Variants in PRKAA1 observed in about 807,000 individuals in gnomAD.
PRKAA1 encodes the protein 5'-AMP-activated protein kinase catalytic subunit alpha-1.
A neutral mutation model predicts 56.9 loss-of-function variants in PRKAA1; 23 were observed. That is an observed-to-expected ratio of 0.40 (90% CI 0.29 to 0.57). The LOEUF (loss-of-function observed/expected upper bound fraction) is 0.57, where lower values mean the gene tolerates loss of function less well. Ranked by LOEUF, PRKAA1 falls within the 20% of genes least tolerant of loss-of-function variation. PRKAA1 has a pLI of 0.39. For synonymous variants in PRKAA1, 226 were observed against 227.0 expected (o/e 1.00, Z 0.04); for missense variants, 413 against 679.7 (o/e 0.61, Z 4.36).
intron 3 of PRKAA1, among the ~76,000 whole-genome samples, chr5:40,773,994 G>C (rs756851311): frequency 5.9e-5 from 9 of 152,290 alleles, no homozygotes; most frequent in Admixed American, 4.6e-4. Flanking sequence ...GCTAAGCTAA[G>C]GCCTTTAAGG....
chr5:40,797,046 G>A (rs747238374), intron 1 of PRKAA1, among the ~76,000 whole-genome samples: 1 of 152,124 alleles, frequency 6.6e-6, no homozygotes, highest in Non-Finnish European at 1.5e-5. Flanking sequence ...GTGGACTGTA[G>A]AGCAAGTTTA....
At chr5:40,769,641 A>T in intron 4 of PRKAA1, 138 bp from the exon 5 acceptor site, 2 of 677,328 alleles carry the variant, frequency 3.0e-6, no homozygotes, top group Non-Finnish European at 5.1e-6. Context: ...CCTATGGTCT[A>T]TTGTAGCCAA....
intron 1 of PRKAA1, among the ~76,000 whole-genome samples, chr5:40,795,002 T>TACAC (rs1268975851): frequency 1.0e-4 from 6 of 57,650 alleles, no homozygotes; most frequent in South Asian, 5.9e-4. Context: ...GGTGTATACA[T>TACAC]ATATATACAC....
chr5:40,761,411 G>T lies in PRKAA1; in HGVS notation c.*1367C>A, dbSNP rs1743180613. 1.3e-5 allele frequency: 2 copies of T among 151,976 alleles called. No homozygotes were observed. Among genetic ancestry groups the T allele is most frequent in the African/African-American group, 4.8e-5 (2 of 41,384 alleles). 9.4% of individuals were successfully genotyped at this position (151,976 alleles called of 1,614,324 possible). ...CTGTAACATCCAAATGGTTCAGGGG[G>T]AAAAAAGCATATATACATACACAAA... On this transcript the variant is annotated 3_prime_UTR_variant, in exon 9 of 9. Coordinates refer to ENST00000397128, the MANE Select transcript of PRKAA1 (RefSeq NM_006251.6).
At chr5:40,779,833 A>G (rs774840000) in intron 1 of PRKAA1, among the ~76,000 whole-genome samples, 1 of 152,206 alleles carries the variant, frequency 6.6e-6, no homozygotes. Flanking sequence ...TTTTATGTAC[A>G]TGCACAATGC....
chr5:40,782,810 C>T (rs1275400936), intron 1 of PRKAA1, among the ~76,000 whole-genome samples: 4 of 151,282 alleles, frequency 2.6e-5, no homozygotes, highest in African/African-American at 7.4e-5. Flanking sequence ...ATGAGTAATA[C>T]GGAGCAGAAT....
rs747211627 is a variant in PRKAA1 at position 40,764,618 on chromosome 5, C to T, written c.1331G>A (p.Arg444His). The change falls in exon 8 of 9, where the codon CGT becomes CAT. Residue 444 changes from arginine (R) to histidine (H), a missense_variant. Arg to His is a conservative substitution (Grantham distance 29). Coordinates refer to ENST00000397128, the MANE Select transcript of PRKAA1 (RefSeq NM_006251.6). Reference sequence around the variant, plus strand: ...TGTCACAGGATTCTTCCTTCGTACACGCAAATAATATGGGTTTACAACCTA... The same window carrying T: ...TGTCACAGGATTCTTCCTTCGTACATGCAAATAATATGGGTTTACAACCTA... Reference protein sequence around the residue: ...EWKVVNPYYLRVRRKNPVTST... With the variant: ...EWKVVNPYYLHVRRKNPVTST... 8.7e-6 allele frequency: 14 copies of T among 1,613,782 alleles called. No homozygotes were observed. Among genetic ancestry groups the T allele is most frequent in the African/African-American group, 1.3e-5 (1 of 74,886 alleles).
At chr5:40,763,945 T>A (rs1422089531) in intron 8 of PRKAA1, among the ~76,000 whole-genome samples, 3 of 152,064 alleles carry the variant, frequency 2.0e-5, no homozygotes, top group Admixed American at 6.6e-5. Context: ...ATATATATAT[T>A]TTAATATTTT....
intron 5 of PRKAA1, chr5:40,768,302 AGT>A: frequency 2.4e-6 from 1 of 412,604 alleles, no homozygotes; most frequent in Non-Finnish European, 3.3e-6. Context: ...TGAAAGTAAA[AGT>A]TCTCATACAC....
chr5:40,785,839 CAGAGAGAG>C (rs10594859), intron 1 of PRKAA1, among the ~76,000 whole-genome samples: 1 of 58,468 alleles, frequency 1.7e-5, no homozygotes, highest in East Asian at 8.3e-4. Context: ...CACACACACA[CAGAGAGAG>C]AGAGAGAGAG....
intron 1 of PRKAA1, among the ~76,000 whole-genome samples, chr5:40,789,119 G>A (rs780183936): frequency 2.4e-4 from 36 of 150,034 alleles, no homozygotes; most frequent in Admixed American, 7.3e-4. Context: ...GCAGAGGTGG[G>A]AGGATCGCTT....
intron 8 of PRKAA1, among the ~76,000 whole-genome samples, chr5:40,763,318 C>G (rs1399750881): frequency 6.6e-6 from 1 of 152,092 alleles, no homozygotes. Context: ...AAATATTATT[C>G]TATAGCAATA....
At chr5:40,788,411 G>T (rs1342602757) in intron 1 of PRKAA1, among the ~76,000 whole-genome samples, 2 of 152,166 alleles carry the variant, frequency 1.3e-5, no homozygotes, top group African/African-American at 4.8e-5. Flanking sequence ...AAATCTACTA[G>T]AAGAAAACTT....
intron 1 of PRKAA1, among the ~76,000 whole-genome samples, chr5:40,793,292 A>G (rs549705958): frequency 2.0e-5 from 3 of 152,088 alleles, no homozygotes; most frequent in Non-Finnish European, 2.9e-5. Context: ...CTTGATAACT[A>G]GAAGGAAAAA....
intron 6 of PRKAA1, 118 bp downstream of exon 6, chr5:40,767,348 A>AT (rs918561573): frequency 3.5e-5 from 28 of 811,492 alleles, no homozygotes; most frequent in Admixed American, 8.7e-5. Context: ...TATACACTCT[A>AT]TTTTTTTCAC....
chr5:40,777,538 T>C lies in PRKAA1; in HGVS notation c.176A>G (p.Asn59Ser), dbSNP rs930784916. 6.2e-6 allele frequency: 10 copies of C among 1,613,472 alleles called. No individual in the cohort carries two copies. Among genetic ancestry groups the C allele is most frequent in the Non-Finnish European group, 8.5e-6 (10 of 1,179,492 alleles). ...TGHKVAVKILNRQKIRSLDVV... is the reference protein window; with the variant it reads ...TGHKVAVKILSRQKIRSLDVV... ...ATCAAGGCTCCGAATCTTCTGTCGA[T>C]TGAGTATCTTCACAGCTACTTTATG... The change falls in exon 2 of 9, where the codon AAT becomes AGT. Residue 59 changes from asparagine to serine, a missense_variant. Asn to Ser is a conservative substitution (Grantham distance 46). Transcript: ENST00000397128.
At chr5:40,797,689 G>A (rs780437301) in intron 1 of PRKAA1, among the ~76,000 whole-genome samples, 26 of 152,332 alleles carry the variant, frequency 1.7e-4, no homozygotes, top group Non-Finnish European at 3.1e-4. Flanking sequence ...CAACCCGGGC[G>A]CACAAGATGC....
chr5:40,762,426 C>T lies in PRKAA1; in HGVS notation c.*352G>A, dbSNP rs1297380102. 1 of 179,110 alleles carries T rather than the reference C, an allele frequency of 5.6e-6. No homozygotes were observed. The highest frequency in any genetic ancestry group is 1.2e-5 in the Non-Finnish European group (1 of 83,692). The allele number at this position is 179,110 out of a possible 1,614,324, so 11.1% of individuals were successfully genotyped here. A position where few individuals can be genotyped will look rare whatever the true frequency, so the allele number is the denominator to read the frequency against. On this transcript the variant is annotated 3_prime_UTR_variant, in exon 9 of 9. Transcript: ENST00000397128. ...AAATATTTATTGAATAAATTTATAA[C>T]ACGTAATATATAACACGTAATAATA...
At chr5:40,775,636 C>G in intron 2 of PRKAA1, 133 bp from the exon 3 acceptor site, 1 of 648,060 alleles carries the variant, frequency 1.5e-6, no homozygotes, top group South Asian at 2.0e-5. Flanking sequence ...CAAAAATTCT[C>G]TGCTCTCATG....
Sources: allele counts gnomAD v4.1 joint callset (sites outside exome capture counted in the v4.1 genomes callset), GRCh38; gene constraint gnomAD v4.1.1; transcripts MANE v1.5; gene names NCBI Gene and HGNC (gene_info 2026-07-23, HGNC 2026-07-21).